SACS: variants seen among roughly 807,000 people sequenced by gnomAD.
The protein encoded by SACS is sacsin molecular chaperone, also known as sacsin.
In SACS, 197 loss-of-function variants were observed where a neutral mutation model predicts 348.0. That is an observed-to-expected ratio of 0.57 (90% CI 0.50 to 0.64). The LOEUF (loss-of-function observed/expected upper bound fraction) is 0.64. Ranked by LOEUF, SACS falls within the 30% of genes least tolerant of loss-of-function variation. SACS has a pLI of 0.00. For synonymous variants in SACS, 1,985 were observed against 1,910.6 expected, an observed-to-expected ratio of 1.04 and a Z score of -1.02; for missense variants, 4,999 against 5,360.8, an observed-to-expected ratio of 0.93 and a Z score of 2.11.
intron 2 of SACS, among the ~76,000 whole-genome samples, chr13:23,389,750 T>TAA (rs2137892984): frequency 6.6e-6 from 1 of 152,356 alleles, no homozygotes; most frequent in Admixed American, 6.5e-5. Context: ...TTACAATGTC[T>TAA]AAAATCTGTT....
At chr13:23,365,758 C>A (rs922886160) in intron 5 of SACS, among the ~76,000 whole-genome samples, 1 of 152,168 alleles carries the variant, frequency 6.6e-6, no homozygotes, top group South Asian at 2.1e-4. Flanking sequence ...ATATACCCTT[C>A]AATTGGCTGC....
Position 23,333,436 on chromosome 13 carries a change from G to A in SACS, c.10440C>T (p.His3480=), listed in dbSNP as rs1883621385. Residue 3480 remains histidine (H), a synonymous_variant, in exon 10 of 10, where the codon CAC becomes CAT. Transcript: ENST00000382292. ...PVDDLEVYLK[H]LLPKIENLSY... ...AGAGATTTTCAATTTTTGGTAAGAGGTGTTTCAAATATACCTCAAGATCAT... is the reference window on the plus strand; with the variant it reads ...AGAGATTTTCAATTTTTGGTAAGAGATGTTTCAAATATACCTCAAGATCAT... 4.3e-6 allele frequency: 7 copies of A among 1,611,238 alleles called. No individual in the cohort carries two copies. Among genetic ancestry groups the A allele is most frequent in the East Asian group, 2.2e-5 (1 of 44,832 alleles).
Position 23,340,707 on chromosome 13 carries a change from C to T in SACS, c.3169G>A (p.Asp1057Asn). 6.3e-7 allele frequency: 1 copy of T among 1,592,396 alleles called. No individual in the cohort carries two copies. Among genetic ancestry groups the T allele is most frequent in the Middle Eastern group, 1.7e-4 (1 of 5,910 alleles). ...MVSAGELFDP[D>N]IEVLKDLFCN... The stretch of plus-strand genomic sequence containing the variant: ...AAGAGATCCTTTAGTACTTCTATAT[C>T]AGGGTCAAAGAGTTCACCAGCTGAT... Residue 1057 changes from aspartate (D) to asparagine (N), a missense_variant, in exon 10 of 10, where the codon GAT (aspartate) becomes AAT (asparagine). Physicochemically the swap from Asp to Asn is conservative, Grantham distance 23. Coordinates refer to ENST00000382292, the MANE Select transcript of SACS (RefSeq NM_014363.6).
chr13:23,369,733 G>C (rs954024981), intron 4 of SACS, among the ~76,000 whole-genome samples: 2 of 152,046 alleles, frequency 1.3e-5, no homozygotes, highest in Non-Finnish European at 2.9e-5. Context: ...TTTTAGTAGA[G>C]ATGGGGTTTT....
chr13:23,329,537 C>A lies in SACS; in HGVS notation c.*599G>T. ...TTTAAATAAAGATGTAAAGTGCACT[C>A]AGTGCACTCTAAAAAGTACTACCTT... On this transcript the variant is annotated 3_prime_UTR_variant, in exon 10 of 10. Transcript: ENST00000382292. 1.5e-6 allele frequency: 1 copy of A among 676,248 alleles called. No individual in the cohort carries two copies. The allele number at this position is 676,248 out of a possible 1,614,324, so 41.9% of individuals were successfully genotyped here. A position where few individuals can be genotyped will look rare whatever the true frequency, so the allele number is the denominator to read the frequency against.
rs1566064562 is a variant in SACS, at chr13:23,336,573, G to C, written c.7303C>G (p.Leu2435Val). Residue 2435 changes from leucine to valine, a missense_variant, in exon 10 of 10, where the codon CTC (leucine) becomes GTC (valine). Transcript: ENST00000382292. ...AATTCTTGTTTCTTTTCTCTAATGA[G>C]ACTCCATATTCCTTCACTGATTATT... ...RRIISEGIWS[L>V]IREKKQEFCE... is the part of the protein sequence containing the mutation. 1 of 1,613,604 alleles carries C rather than the reference G, an allele frequency of 6.2e-7. No homozygotes were observed. Among genetic ancestry groups the C allele is most frequent in the Admixed American group, 1.7e-5 (1 of 59,962 alleles).
chr13:23,397,375 T>A (rs1461972642), intron 2 of SACS, among the ~76,000 whole-genome samples: 1 of 150,976 alleles, frequency 6.6e-6, no homozygotes, highest in Non-Finnish European at 1.5e-5. Flanking sequence ...AAAAGGTTTG[T>A]GAGAAATATT....
At chr13:23,374,596 A>C (rs2137836087) in intron 3 of SACS, among the ~76,000 whole-genome samples, 1 of 152,296 alleles carries the variant, frequency 6.6e-6, no homozygotes, top group South Asian at 2.1e-4. Flanking sequence ...TGTTTTCCAA[A>C]ATTTTCTGAC....
intron 5 of SACS, among the ~76,000 whole-genome samples, 189 bp downstream of exon 5, chr13:23,368,213 A>G (rs747288271): frequency 2.0e-5 from 3 of 152,158 alleles, no homozygotes; most frequent in Non-Finnish European, 4.4e-5. Context: ...AAAACCTCAC[A>G]TATTTATATC....
chr13:23,352,810 T>C (rs926224723), intron 9 of SACS, among the ~76,000 whole-genome samples: 12 of 152,210 alleles, frequency 7.9e-5, no homozygotes, highest in Non-Finnish European at 2.9e-5. Flanking sequence ...TGCAAATCCC[T>C]GATGGGAAAC....
chr13:23,370,735 G>A (rs9510707), intron 4 of SACS, among the ~76,000 whole-genome samples: 5,169 of 152,256 alleles, frequency 0.034, 150 homozygotes, highest in East Asian at 0.14. Flanking sequence ...GGCCAAAGAC[G>A]GTGGATCACT....
intron 2 of SACS, among the ~76,000 whole-genome samples, chr13:23,381,127 G>GC (rs920273932): frequency 2.0e-5 from 3 of 152,296 alleles, no homozygotes; most frequent in East Asian, 3.9e-4. Flanking sequence ...CTTTGCAAAT[G>GC]CAAGTGTCAG....
At position 23,335,741 on chromosome 13, in the gene SACS, T is replaced by A; in HGVS notation, c.8135A>T (p.Glu2712Val). ...LRNAEMAKVS[E>V]ISSVPASDRM... The stretch of plus-strand genomic sequence containing the variant: ...GTCTGATGCTGGAACAGACGAAATT[T>A]CCGAAACTTTTGCCATTTCTGCATT... The change falls in exon 10 of 10, where the codon GAA (glutamate) becomes GTA (valine). Residue 2712 changes from glutamate to valine, a missense_variant. Physicochemically the swap from Glu to Val is moderately radical, Grantham distance 121. Coordinates refer to ENST00000382292, the MANE Select transcript of SACS (RefSeq NM_014363.6). This position sits in a 1 kb window ranked among gnomAD's most constrained non-coding sequence, Gnocchi z 4.7. The A allele has an allele frequency of 1.2e-6, 2 of 1,614,002 alleles. No individual in the cohort carries two copies.
intron 2 of SACS, among the ~76,000 whole-genome samples, chr13:23,398,911 C>T (rs1327392313): frequency 1.3e-5 from 2 of 149,698 alleles, no homozygotes; most frequent in African/African-American, 4.9e-5. Context: ...GTCCCAGCTA[C>T]TCGGGAGGTT....
At chr13:23,388,320 C>T (rs1161162787) in intron 2 of SACS, among the ~76,000 whole-genome samples, 22 of 131,980 alleles carry the variant, frequency 1.7e-4, no homozygotes, top group Admixed American at 1.2e-3. Context: ...GGTGACAGAG[C>T]GAGACTTTGT....
chr13:23,336,672 G>A lies in SACS; in HGVS notation c.7204C>T (p.Leu2402Phe). ...TCTTGATCAATAGATTCCAAAACAAGAGCAAAATCTTCAACAGTGCATGAC... is the reference window on the plus strand; with the variant it reads ...TCTTGATCAATAGATTCCAAAACAAAAGCAAAATCTTCAACAGTGCATGAC... Reference protein sequence around the residue: ...RQSCTVEDFALVLESIDQERG... With the variant: ...RQSCTVEDFAFVLESIDQERG... Residue 2402 changes from leucine to phenylalanine, a missense_variant, in exon 10 of 10, where the codon CTT becomes TTT. Leu to Phe is a conservative substitution (Grantham distance 22). Transcript: ENST00000382292. The A allele has an allele frequency of 6.2e-7, 1 of 1,613,766 alleles. No individual in the cohort carries two copies.
At chr13:23,356,702 G>A (rs1870414731) in intron 7 of SACS, among the ~76,000 whole-genome samples, 1 of 152,216 alleles carries the variant, frequency 6.6e-6, no homozygotes, top group Non-Finnish European at 1.5e-5. Flanking sequence ...ACTGTGATGA[G>A]AGAAATTCCT....
intron 2 of SACS, among the ~76,000 whole-genome samples, chr13:23,401,601 G>A (rs1382418048): frequency 6.6e-6 from 1 of 152,188 alleles, no homozygotes; most frequent in Non-Finnish European, 1.5e-5. Context: ...AATTAACTGA[G>A]ACCTGTCTCA....
chr13:23,331,049 A>G lies in SACS; in HGVS notation c.12827T>C (p.Ile4276Thr), dbSNP rs752766535. The change falls in exon 10 of 10, where the codon ATT becomes ACT. Residue 4276 changes from isoleucine (I) to threonine (T), a missense_variant. Physicochemically the swap from Ile to Thr is moderately conservative, Grantham distance 89. Transcript: ENST00000382292. The stretch of plus-strand genomic sequence containing the variant: ...CTCTCTACCAGAGAAAAGAGGAGGA[A>G]TGCTTCTCAGGCCAGGGGTGAGGAA... ...TEFLTPGLRS[I>T]PPLFSGRESH... 6.2e-7 allele frequency: 1 copy of G among 1,614,086 alleles called. No homozygotes were observed. The highest frequency in any genetic ancestry group is 8.5e-7 in the Non-Finnish European group (1 of 1,179,954).
Sources: allele counts gnomAD v4.1 joint callset (sites outside exome capture counted in the v4.1 genomes callset), GRCh38; gene constraint gnomAD v4.1.1; non-coding constraint Gnocchi (gnomAD v3.1); transcripts MANE v1.5; gene names NCBI Gene and HGNC (gene_info 2026-07-23, HGNC 2026-07-21).